ZFYVE19: variants seen among roughly 807,000 people sequenced by gnomAD.
The protein encoded by ZFYVE19 is abscission/NoCut checkpoint regulator.
Under a neutral mutation model 62.8 loss-of-function variants are expected in ZFYVE19, and 49 were observed. That is an observed-to-expected ratio of 0.78 (90% confidence interval 0.62 to 0.99). ZFYVE19 has a LOEUF of 0.99. ZFYVE19 is among the 50% of genes least tolerant of loss of function. The probability of loss-of-function intolerance (pLI) is 0.00; values close to 1 mark genes in which losing one functional copy is unlikely to be tolerated. For missense variants in ZFYVE19, 630 were observed against 601.9 expected, an observed-to-expected ratio of 1.05 and a Z score of -0.49; for synonymous variants, 242 against 234.3, an observed-to-expected ratio of 1.03 and a Z score of -0.30.
At chr15:40,809,784 A>G (rs1237449754) in intron 3 of ZFYVE19, 68 bp from the exon 4 acceptor site, 9 of 1,506,758 alleles carry the variant, frequency 6.0e-6, no homozygotes, top group Non-Finnish European at 8.3e-6. Context: ...TGAATGGGAA[A>G]CAGTGAGTGG....
rs757395552 is a variant in ZFYVE19, at chr15:40,810,185, G to A, written c.686G>A (p.Gly229Asp). The A allele has an allele frequency of 6.2e-7, 1 of 1,614,078 alleles. No individual in the cohort carries two copies. The highest frequency in any genetic ancestry group is 1.3e-5 in the African/African-American group (1 of 74,914). The change falls in exon 5 of 11, where the codon GGC becomes GAC. Residue 229 changes from glycine to aspartate, a missense_variant. Physicochemically the swap from Gly to Asp is moderately conservative, Grantham distance 94. Coordinates refer to ENST00000355341, the MANE Select transcript of ZFYVE19 (RefSeq NM_001077268.2). ...EMEARLAALQGRVLPSQTPQP... is the reference protein window; with the variant it reads ...EMEARLAALQDRVLPSQTPQP... ...GAGGCACGACTTGCAGCGTTGCAGGGCAGAGTTCTACCTTCTCAAACCCCC... is the reference window on the plus strand; with the variant it reads ...GAGGCACGACTTGCAGCGTTGCAGGACAGAGTTCTACCTTCTCAAACCCCC...
At chr15:40,808,847 A>G (rs1890375016) in intron 1 of ZFYVE19, 1 of 388,744 alleles carries the variant, frequency 2.6e-6, no homozygotes, top group Non-Finnish European at 4.8e-6. Context: ...GGCTTTATCT[A>G]TCTGTCTTCT....
intron 6 of ZFYVE19, among the ~76,000 whole-genome samples, chr15:40,811,665 G>A (rs78691936): frequency 0.053 from 8,102 of 152,162 alleles, 463 homozygotes; most frequent in African/African-American, 0.15. Context: ...AGCTTGAGCT[G>A]GGGAATTTAA....
chr15:40,810,593 C>T, intron 5 of ZFYVE19, 56 bp from the exon 6 acceptor site: 1 of 1,547,932 alleles, frequency 6.5e-7, no homozygotes, highest in East Asian at 2.4e-5. Flanking sequence ...CCATCCCTGA[C>T]CTAGACTGCT....
At chr15:40,808,379 G>A in intron 1 of ZFYVE19, 3 of 1,596,608 alleles carry the variant, frequency 1.9e-6, no homozygotes, top group Non-Finnish European at 2.5e-6. Context: ...TAAACTGCAG[G>A]TTCCCTCTGC....
In ZFYVE19 at chr15:40,813,623, A is replaced by C. The variant is rs1890567935; in HGVS notation, c.1111-90A>C. On this transcript the variant is annotated intron_variant, in intron 8 of 10. Transcript: ENST00000355341. ...ACAAGTAAAGAAAAAGATGAGTTTG[A>C]GAAGCTAAGTCCACAGTGCACAGAA... The C allele has an allele frequency of 8.4e-6, 11 of 1,305,432 alleles. No individual in the cohort carries two copies. The South Asian group carries it at 1.4e-4, about 17-fold the overall frequency. The allele number at this position is 1,305,432 out of a possible 1,614,324, so 80.9% of individuals were successfully genotyped here.
At chr15:40,808,213 G>A (rs1311385028) in intron 1 of ZFYVE19, 1 of 1,591,812 alleles carries the variant, frequency 6.3e-7, no homozygotes, top group African/African-American at 1.3e-5. Flanking sequence ...ATCACACCAA[G>A]CCCGTTACTC....
rs769683740 is a variant in ZFYVE19, at chr15:40,809,153, C to G, written c.314C>G (p.Ser105Ter). The change falls in exon 2 of 11, where the codon TCA becomes TGA. Residue 105 changes from serine to a stop codon, truncating the protein, a stop_gained. Transcript: ENST00000355341. LOFTEE classifies it high-confidence loss of function. ...GCKNCGRAFC[S>*]GCLSFSAAVP... ...AAGAATTGTGGCAGGGCCTTCTGTT[C>G]AGGCTGCCTAAGCTTCAGTGCAGCA... The G allele has an allele frequency of 5.6e-6, 9 of 1,614,044 alleles. No individual in the cohort carries two copies. The East Asian group carries it at 2.0e-4, about 36-fold the overall frequency.
In ZFYVE19 at chr15:40,808,915, C is replaced by A; in HGVS notation, c.280-204C>A. On this transcript the variant is annotated intron_variant, in intron 1 of 10. Transcript: ENST00000355341. ...AGAAAGCATGGGAATTTTGTATAAA[C>A]CTTCATTTGGCTTGAATAAGGTACT... is the stretch of plus-strand genomic sequence containing the variant. 4 of 592,944 alleles carry A rather than the reference C, an allele frequency of 6.7e-6. No individual in the cohort carries two copies. The South Asian group carries it at 8.2e-5, about 12-fold the overall frequency. 36.7% of individuals were successfully genotyped at this position (592,944 alleles called of 1,614,324 possible).
In ZFYVE19 at chr15:40,809,996, T is replaced by C. The variant is rs971604590; in HGVS notation, c.571+26T>C. ...GTGAGCAGGGGCAGATGGGGTTGCC[T>C]AGAGGACACAGTCCAGGGCTTCTGG... On this transcript the variant is annotated intron_variant, in intron 4 of 10. Transcript: ENST00000355341. The C allele has an allele frequency of 3.7e-6, 6 of 1,614,016 alleles. No homozygotes were observed. The African/African-American group carries it at 8.0e-5, about 22-fold the overall frequency.
Position 40,807,490 on chromosome 15 carries a change from AGC to A in ZFYVE19, c.-94_-93del. 6.2e-7 allele frequency: 1 copy of A among 1,612,564 alleles called. No homozygotes were observed. The highest frequency in any genetic ancestry group is 8.5e-7 in the Non-Finnish European group (1 of 1,178,838). ...TCGTACTACAACTCCCAAGAGTCTA[AGC>A]GCGCGTGAGGACTGCAGGCTCCGAG... is the stretch of plus-strand genomic sequence containing the variant. On this transcript the variant is annotated 5_prime_UTR_variant, in exon 1 of 11. Transcript: ENST00000355341.
Position 40,807,875 on chromosome 15 carries a change from C to T in ZFYVE19, c.279+7C>T. The T allele has an allele frequency of 6.5e-7, 1 of 1,536,586 alleles. No individual in the cohort carries two copies. Among genetic ancestry groups the T allele is most frequent in the South Asian group, 1.2e-5 (1 of 80,912 alleles). Reference sequence around the variant, plus strand: ...CACCCTCTTCAAGAAGGAGGCGAGTCTTCCCTCCCCGAGGGCTGCAGGGCC... The same window carrying T: ...CACCCTCTTCAAGAAGGAGGCGAGTTTTCCCTCCCCGAGGGCTGCAGGGCC... On this transcript the variant is annotated splice_region_variant and intron_variant, in intron 1 of 10. Transcript: ENST00000355341.
At chr15:40,812,928 C>G (rs1278123539) in intron 7 of ZFYVE19, 26 bp downstream of exon 7, 1 of 1,604,658 alleles carries the variant, frequency 6.2e-7, no homozygotes, top group Non-Finnish European at 8.5e-7. Context: ...CAGCTGCTCA[C>G]TGGTATCCCT....
At chr15:40,813,849 C>A (rs144343927) in intron 9 of ZFYVE19, 38 bp downstream of exon 9, 2 of 1,602,510 alleles carry the variant, frequency 1.2e-6, no homozygotes, top group African/African-American at 1.3e-5. Context: ...CAGGCTCCCC[C>A]CAGCCTTGCT....
chr15:40,808,509 C>T (rs1890355548), intron 1 of ZFYVE19: 6 of 1,352,264 alleles, frequency 4.4e-6, no homozygotes, highest in Admixed American at 4.8e-5. Flanking sequence ...AGTCAGCGTT[C>T]AAATCTGAGC....
chr15:40,809,505 G>C (rs1462853001), intron 3 of ZFYVE19, 47 bp downstream of exon 3: 1 of 1,600,410 alleles, frequency 6.2e-7, no homozygotes, highest in South Asian at 1.1e-5. Flanking sequence ...GAAAGGATAA[G>C]GGAGCCATAG....
In ZFYVE19 at chr15:40,809,221, T is replaced by A. The variant is rs1165809925; in HGVS notation, c.382T>A (p.Cys128Ser). ...CACCCAACAGAAAGTCTGCAAGCAA[T>A]GCCATGAGGTCCTGACCAGGTAAGA... ...GNTQQKVCKQ[C>S]HEVLTRGSSA... The change falls in exon 2 of 11, where the codon TGC becomes AGC. Residue 128 changes from cysteine (C) to serine (S), a missense_variant. By Grantham distance (112) the Cys-to-Ser change is moderately radical. Transcript: ENST00000355341. 1 of 1,614,180 alleles carries A rather than the reference T, an allele frequency of 6.2e-7. No individual in the cohort carries two copies. The highest frequency in any genetic ancestry group is 2.2e-5 in the East Asian group (1 of 44,878).
intron 5 of ZFYVE19, 23 bp from the exon 6 acceptor site, chr15:40,810,626 C>T (rs1199513975): frequency 2.6e-6 from 4 of 1,553,554 alleles, no homozygotes; most frequent in Non-Finnish European, 2.6e-6. Context: ...CTGCTCTCCA[C>T]TGAGGTTTCC....
chr15:40,809,245 G>C lies in ZFYVE19; in HGVS notation c.401+5G>C, dbSNP rs1341986906. 3 of 1,614,058 alleles carry C rather than the reference G, an allele frequency of 1.9e-6. No homozygotes were observed. Among genetic ancestry groups the C allele is most frequent in the South Asian group, 2.2e-5 (2 of 91,068 alleles). On this transcript the variant is annotated splice_donor_5th_base_variant and intron_variant, in intron 2 of 10. Coordinates refer to ENST00000355341, the MANE Select transcript of ZFYVE19 (RefSeq NM_001077268.2). ...ATGCCATGAGGTCCTGACCAGGTAA[G>C]AGGCAGGCATGGGTGAAAGTTCAGC...
Sources: allele counts gnomAD v4.1 joint callset (sites outside exome capture counted in the v4.1 genomes callset), GRCh38; gene constraint gnomAD v4.1.1; transcripts MANE v1.5; gene names NCBI Gene and HGNC (gene_info 2026-07-23, HGNC 2026-07-21).